The following SULF1 variants were observed in gnomAD, a reference collection of about 807,000 sequenced individuals.
SULF1 encodes the protein extracellular sulfatase Sulf-1.
SULF1 carries 46 observed loss-of-function variants against 110.5 expected under a neutral mutation model. The ratio of observed to expected loss-of-function variants is 0.42; its 90% CI spans 0.33 to 0.53. The LOEUF (loss-of-function observed/expected upper bound fraction) is 0.53, where lower values mean the gene tolerates loss of function less well. Among genes scored for constraint, SULF1 ranks in the 20% least tolerant of loss-of-function variants. The pLI is 0.12. For missense variants in SULF1, 941 were observed against 1,094.2 expected (o/e 0.86, Z 1.98); for synonymous variants, 371 against 387.1 (o/e 0.96, Z 0.49).
chr8:69,483,790 T>C (rs1288330309), intron 1 of SULF1, among the ~76,000 whole-genome samples: 1 of 151,988 alleles, frequency 6.6e-6, no homozygotes. Flanking sequence ...ACCCTGTCCC[T>C]AACAAAGCAA....
chr8:69,493,166 A>G (rs932067057), intron 1 of SULF1, 41 bp downstream of exon 1: 1 of 152,600 alleles, frequency 6.6e-6, no homozygotes, highest in Non-Finnish European at 1.5e-5. Flanking sequence ...AAGAAAGAAG[A>G]CAAACTTTCC....
chr8:69,517,733 A>G lies in SULF1; in HGVS notation c.-134+15765A>G, dbSNP rs551771118. 3.9e-5 allele frequency among the ~76,000 whole-genome samples: 6 copies of G among 152,282 alleles called. No individual in the cohort carries two copies. The East Asian group carries it at 1.2e-3, about 29-fold the overall frequency. On this transcript the variant is annotated intron_variant, in intron 3 of 22. Coordinates refer to ENST00000402687, the MANE Select transcript of SULF1 (RefSeq NM_001128205.2). ...AAAAGTATCCAGTAAAAAAGAAGTC[A>G]ATAGACAGCAAAGAGGAAATAGAAA...
chr8:69,560,100 C>T (rs972724938), intron 3 of SULF1, among the ~76,000 whole-genome samples: 3 of 152,174 alleles, frequency 2.0e-5, no homozygotes, highest in South Asian at 2.1e-4. Flanking sequence ...GTCCTCCAAA[C>T]GTCCCAAACT....
At chr8:69,579,564 C>CA (rs1416643898) in intron 6 of SULF1, among the ~76,000 whole-genome samples, 1,341 of 104,996 alleles carry the variant, frequency 0.013, 7 homozygotes, top group Admixed American at 0.021. Context: ...CACACACACA[C>CA]AAAAAAAAAA....
chr8:69,524,787 A>G (rs1464464801), intron 3 of SULF1, among the ~76,000 whole-genome samples: 4 of 152,234 alleles, frequency 2.6e-5, no homozygotes, highest in African/African-American at 7.2e-5. Flanking sequence ...TCAAGGGGCC[A>G]ATAACATGCT....
chr8:69,590,636 G>A (rs1419836423), intron 8 of SULF1, among the ~76,000 whole-genome samples: 2 of 152,176 alleles, frequency 1.3e-5, no homozygotes, highest in African/African-American at 4.8e-5. Context: ...TACCTACTGA[G>A]CATGCCCAGG....
At chr8:69,560,886 C>T (rs146381788) in intron 3 of SULF1, among the ~76,000 whole-genome samples, 30 of 152,274 alleles carry the variant, frequency 2.0e-4, no homozygotes, top group African/African-American at 7.2e-4. Context: ...AGAGAGGACT[C>T]GTGCTGGCCA....
At chr8:69,544,646 G>A (rs1318762146) in intron 3 of SULF1, among the ~76,000 whole-genome samples, 1 of 152,128 alleles carries the variant, frequency 6.6e-6, no homozygotes, top group African/African-American at 2.4e-5. Context: ...AGTGAAGGCA[G>A]AATTCCTATT....
rs1813023634 is a variant in SULF1, at chr8:69,660,285, G to A, written c.*1750G>A. 1 of 152,102 alleles carries A rather than the reference G, an allele frequency of 6.6e-6. No homozygotes were observed. 9.4% of individuals were successfully genotyped at this position (152,102 alleles called of 1,614,324 possible). ...TTCTCAATAAAAGAAAATCATGAAT[G>A]CTCCACAATTTCAACATACCACAAG... On this transcript the variant is annotated 3_prime_UTR_variant, in exon 23 of 23. Coordinates refer to ENST00000402687, the MANE Select transcript of SULF1 (RefSeq NM_001128205.2).
At chr8:69,477,493 C>T (rs1162738523) in intron 1 of SULF1, among the ~76,000 whole-genome samples, 1 of 152,150 alleles carries the variant, frequency 6.6e-6, no homozygotes, top group Non-Finnish European at 1.5e-5. Flanking sequence ...TCAGGCAAAT[C>T]ATATTTCTTG....
chr8:69,586,214 C>A, intron 6 of SULF1, 143 bp from the exon 7 acceptor site: 1 of 725,590 alleles, frequency 1.4e-6, no homozygotes, highest in Non-Finnish European at 2.1e-6. Flanking sequence ...TGGAGTATTA[C>A]ACTAATGTCA....
At chr8:69,569,336 T>A (rs760946226) in intron 5 of SULF1, among the ~76,000 whole-genome samples, 4 of 152,176 alleles carry the variant, frequency 2.6e-5, no homozygotes, top group Non-Finnish European at 4.4e-5. Context: ...ATTAAGCCAA[T>A]ATTTTAAAAT....
At chr8:69,602,743 G>C (rs970391802) in intron 10 of SULF1, among the ~76,000 whole-genome samples, 6 of 152,174 alleles carry the variant, frequency 3.9e-5, no homozygotes, top group African/African-American at 1.4e-4. Context: ...AACACCCTGA[G>C]AATTGTCAGA....
At chr8:69,544,903 T>G (rs1814138990) in intron 3 of SULF1, among the ~76,000 whole-genome samples, 1 of 152,144 alleles carries the variant, frequency 6.6e-6, no homozygotes, top group Admixed American at 6.6e-5. Flanking sequence ...AATATGAAAA[T>G]CCATCATTTG....
At chr8:69,517,497 G>A (rs924738485) in intron 3 of SULF1, among the ~76,000 whole-genome samples, 1 of 152,130 alleles carries the variant, frequency 6.6e-6, no homozygotes, top group Non-Finnish European at 1.5e-5. Context: ...GAACCAGGAA[G>A]TAAGGGTTTT....
chr8:69,563,109 C>T (rs1448950168), intron 3 of SULF1: 3 of 152,408 alleles, frequency 2.0e-5, no homozygotes, highest in African/African-American at 2.4e-5. Flanking sequence ...GTGTGTGTTT[C>T]GTTCTGCTTG....
intron 3 of SULF1, among the ~76,000 whole-genome samples, chr8:69,540,540 C>G (rs1197792001): frequency 1.3e-5 from 2 of 152,178 alleles, no homozygotes; most frequent in African/African-American, 4.8e-5. Flanking sequence ...AAATCCATCC[C>G]TCCTTCCCTG....
Position 69,621,020 on chromosome 8 carries a change from C to G in SULF1, c.1378-15C>G. The G allele has an allele frequency of 6.3e-7, 1 of 1,583,166 alleles. No homozygotes were observed. Reference sequence around the variant, plus strand: ...GAGCAGAATCGGTAAACTGCTTTCACGTTGGCTTTTGCAGAAGTGGCAATG... The same window carrying G: ...GAGCAGAATCGGTAAACTGCTTTCAGGTTGGCTTTTGCAGAAGTGGCAATG... On this transcript the variant is annotated splice_polypyrimidine_tract_variant and intron_variant, in intron 13 of 22. Coordinates refer to ENST00000402687, the MANE Select transcript of SULF1 (RefSeq NM_001128205.2).
At chr8:69,475,033 T>C (rs1160830007) in intron 1 of SULF1, among the ~76,000 whole-genome samples, 1 of 151,634 alleles carries the variant, frequency 6.6e-6, no homozygotes, top group Non-Finnish European at 1.5e-5. Context: ...TATGACACAA[T>C]TTGGAAATAT....
Sources: gnomAD v4.1 joint callset for allele counts (sites outside exome capture counted in the v4.1 genomes callset) on GRCh38, gnomAD v4.1.1 for gene constraint, MANE v1.5 for transcripts, NCBI Gene and HGNC (gene_info 2026-07-23, HGNC 2026-07-21) for gene names.